NCOR2: variants seen among roughly 807,000 people sequenced by gnomAD.
NCOR2 encodes the protein CTG repeat protein 26.
In NCOR2, 81 loss-of-function variants were observed where a neutral mutation model predicts 262.9. The ratio of observed to expected loss-of-function variants is 0.31; its 90% CI spans 0.26 to 0.37. The LOEUF is 0.37. NCOR2 is among the 10% of genes least tolerant of loss of function. NCOR2 has a pLI of 1.00. For synonymous variants in NCOR2, 1,659 were observed against 1,559.3 expected (o/e 1.06, Z -1.51); for missense variants, 3,385 against 3,621.4 (o/e 0.93, Z 1.68).
At position 124,373,219 on chromosome 12, in the gene NCOR2, G is replaced by A. The variant is rs549807676; in HGVS notation, c.2219-609C>T. 5.4e-5 allele frequency among the ~76,000 whole-genome samples: 8 copies of A among 146,914 alleles called. 1 individual carries two copies. Among genetic ancestry groups the A allele is most frequent in the African/African-American group, 2.2e-4 (8 of 36,548 alleles). On this transcript the variant is annotated intron_variant, in intron 19 of 46. Transcript: ENST00000405201. ...CTCAGTGTGAGTACAGGGGACCCGG[G>A]CACAGTGGACAATGAGGCCAGTGCG...
chr12:124,345,949 C>A (rs146556083), intron 31 of NCOR2, among the ~76,000 whole-genome samples: 1 of 152,164 alleles, frequency 6.6e-6, no homozygotes, highest in Non-Finnish European at 1.5e-5. Context: ...AGCTCCTCGT[C>A]CTCGTACCAT....
chr12:124,357,892 T>C (rs1350678750), intron 22 of NCOR2, among the ~76,000 whole-genome samples: 8 of 136,468 alleles, frequency 5.9e-5, no homozygotes, highest in South Asian at 4.8e-4. Context: ...TTGAAGGAGG[T>C]AACCTGTGAT....
intron 41 of NCOR2, among the ~76,000 whole-genome samples, 190 bp from the exon 44 acceptor site, chr12:124,333,469 C>T (rs999135748): frequency 3.9e-5 from 6 of 151,970 alleles, no homozygotes; most frequent in African/African-American, 1.5e-4. Flanking sequence ...TTTTAAACAA[C>T]CCTTTAAAAA....
At chr12:124,335,268 A>C in exon 40 of NCOR2, 1 of 1,602,442 alleles carries the variant, frequency 6.2e-7, no homozygotes, top group South Asian at 1.1e-5. Context: ...CTCCCCGCCA[A>C]GCTTCACGGG....
At chr12:124,450,667 G>A (rs898793543) in intron 6 of NCOR2, among the ~76,000 whole-genome samples, 5 of 152,186 alleles carry the variant, frequency 3.3e-5, no homozygotes, top group African/African-American at 9.7e-5. Context: ...TTCAAAGAGC[G>A]TACCAGGAGA....
chr12:124,375,947 A>C (rs2039959257), intron 18 of NCOR2, among the ~76,000 whole-genome samples: 1 of 152,120 alleles, frequency 6.6e-6, no homozygotes, highest in South Asian at 2.1e-4. Context: ...GGGCAACCTC[A>C]GGCTCCAACC....
chr12:124,522,219 C>T (rs1278916589), intron 1 of NCOR2, among the ~76,000 whole-genome samples: 1 of 152,156 alleles, frequency 6.6e-6, no homozygotes, highest in Non-Finnish European at 1.5e-5. Flanking sequence ...GTGAACAAGA[C>T]AAAATTACAT....
chr12:124,514,969 C>T (rs187042048), intron 1 of NCOR2, among the ~76,000 whole-genome samples: 23 of 152,190 alleles, frequency 1.5e-4, no homozygotes, highest in Non-Finnish European at 2.6e-4. Context: ...CCCTAAGCTA[C>T]GACCCATGCC....
rs1035682748 is a variant in NCOR2 at position 124,481,043 on chromosome 12, T to C, written c.411+2553A>G. Among the ~76,000 whole-genome samples the C allele has an allele frequency of 2.9e-5, 4 of 140,038 alleles. No individual in the cohort carries two copies. The highest frequency in any genetic ancestry group is 6.2e-5 in the Non-Finnish European group (4 of 64,800). The allele number at this position is 140,038 out of a possible 152,430, so 91.9% of individuals were successfully genotyped here. ...GTGGTGGCTGGGAGTGGCTCTGTGG[T>C]AGGGAGGTTGCCCCAGGGGATGAGC... On this transcript the variant is annotated intron_variant, in intron 3 of 46. Transcript: ENST00000405201. This position sits in a 1 kb window ranked among gnomAD's most constrained non-coding sequence, Gnocchi z 4.6.
At chr12:124,350,456 G>C (rs916405220) in intron 28 of NCOR2, 131 bp downstream of exon 30, 80 of 1,209,808 alleles carry the variant, frequency 6.6e-5, no homozygotes, top group Admixed American at 1.3e-4. Flanking sequence ...TACCTGCAGG[G>C]ATAAGGAGGT....
chr12:124,535,616 G>A (rs701029), upstream of NCOR2: 48,790 of 152,136 alleles, frequency 0.32, 8,118 homozygotes, highest in African/African-American at 0.39. Context: ...GGAGACCTGC[G>A]GACAAAACAC....
intron 13 of NCOR2, among the ~76,000 whole-genome samples, chr12:124,409,648 T>TC (rs972774964): frequency 4.4e-4 from 66 of 151,154 alleles, no homozygotes; most frequent in African/African-American, 1.6e-3. Context: ...TGGTCCAAGT[T>TC]CCCCATGGGT....
intron 1 of NCOR2, among the ~76,000 whole-genome samples, chr12:124,492,339 C>T (rs184392682): frequency 5.3e-5 from 8 of 152,292 alleles, no homozygotes; most frequent in Admixed American, 2.6e-4. Flanking sequence ...TGGCTGTGAG[C>T]GGGCCAATGC....
chr12:124,343,036 G>A (rs1330220700), exon 33 of NCOR2: 6 of 1,611,744 alleles, frequency 3.7e-6, no homozygotes, highest in Non-Finnish European at 5.1e-6. Context: ...GGGGTATGGA[G>A]GTGGGGTCGA....
chr12:124,474,474 C>T (rs1452940083), intron 3 of NCOR2, among the ~76,000 whole-genome samples: 1 of 152,170 alleles, frequency 6.6e-6, no homozygotes, highest in Admixed American at 6.5e-5. Context: ...CCATGGACGC[C>T]TTCATCCCAC....
intron 10 of NCOR2, among the ~76,000 whole-genome samples, chr12:124,427,304 T>A (rs1442709334): frequency 6.6e-6 from 1 of 151,898 alleles, no homozygotes; most frequent in East Asian, 1.9e-4. Flanking sequence ...ACACGCCCCC[T>A]CCCGGCACCC....
chr12:124,555,547 C>T (rs1360133745), intron 1 of NCOR2, among the ~76,000 whole-genome samples: 3 of 152,220 alleles, frequency 2.0e-5, no homozygotes, highest in Non-Finnish European at 4.4e-5. Flanking sequence ...GCAGTTACCC[C>T]CATTCTACAG....
chr12:124,346,599 C>T, exon 31 of NCOR2: 1 of 1,582,924 alleles, frequency 6.3e-7, no homozygotes, highest in Non-Finnish European at 8.5e-7. Flanking sequence ...GGCCGCGGGG[C>T]CAGGGGCAGC....
intron 1 of NCOR2, among the ~76,000 whole-genome samples, chr12:124,510,337 G>T (rs1248463307): frequency 6.6e-6 from 1 of 152,240 alleles, no homozygotes; most frequent in Non-Finnish European, 1.5e-5. Flanking sequence ...GCGGGAAGAT[G>T]AGCAAATGCC....
Sources: gnomAD v4.1 joint callset for allele counts (sites outside exome capture counted in the v4.1 genomes callset) on GRCh38, gnomAD v4.1.1 for gene constraint, Gnocchi (gnomAD v3.1) non-coding constraint, MANE v1.5 for transcripts, NCBI Gene and HGNC (gene_info 2026-07-23, HGNC 2026-07-21) for gene names.